Variants in PLPP2 observed in about 807,000 individuals in gnomAD.
The protein encoded by PLPP2 is PAP2-gamma.
In PLPP2, 29 loss-of-function variants were observed where a neutral mutation model predicts 35.2. That is an observed-to-expected ratio of 0.82 (90% CI 0.61 to 1.12). The LOEUF is 1.12. Among genes scored for constraint, PLPP2 ranks in the 50% most tolerant of loss-of-function variants. The pLI, the probability that PLPP2 is intolerant of heterozygous loss-of-function variation, is 0.00. For synonymous variants in PLPP2, 162 were observed against 167.0 expected (o/e 0.97, Z 0.23); for missense variants, 353 against 375.2 (o/e 0.94, Z 0.49).
intron 1 of PLPP2, among the ~76,000 whole-genome samples, chr19:290,378 C>G (rs1034153529): frequency 3.9e-5 from 6 of 152,194 alleles, no homozygotes; most frequent in African/African-American, 1.4e-4. Flanking sequence ...TAAATAACAC[C>G]ATAGGTGCTC....
intron 1 of PLPP2, chr19:288,418 C>T (rs991188848): frequency 5.3e-6 from 2 of 376,292 alleles, no homozygotes; most frequent in Non-Finnish European, 9.5e-6. Context: ...TCAGCAAACA[C>T]CCACCTTTGC....
intron 3 of PLPP2, 179 bp from the exon 4 acceptor site, chr19:282,988 T>A: frequency 1.6e-6 from 1 of 619,328 alleles, no homozygotes; most frequent in East Asian, 2.8e-5. Context: ...GGAATAAGAG[T>A]CTCTGACTGG....
At chr19:282,934 G>C (rs546905584) in intron 3 of PLPP2, 125 bp from the exon 4 acceptor site, 1 of 793,594 alleles carries the variant, frequency 1.3e-6, no homozygotes, top group Non-Finnish European at 2.1e-6. Context: ...TCAAATCCCA[G>C]TAGCAGAAAC....
chr19:289,980 A>G (rs146416122), intron 1 of PLPP2, among the ~76,000 whole-genome samples: 4 of 152,234 alleles, frequency 2.6e-5, no homozygotes, highest in African/African-American at 9.6e-5. Flanking sequence ...AACTCCAACT[A>G]GAGACGCAGG....
At chr19:288,738 T>C (rs12982096) in intron 1 of PLPP2, among the ~76,000 whole-genome samples, 112,400 of 152,024 alleles carry the variant, frequency 0.74, 43,467 homozygotes, top group Non-Finnish European at 0.85. Flanking sequence ...TATGCAAACC[T>C]CATGTGGAAT....
At chr19:285,420 A>G (rs1263152578) in intron 3 of PLPP2, 1 of 151,504 alleles carries the variant, frequency 6.6e-6, no homozygotes, top group Non-Finnish European at 1.5e-5. Flanking sequence ...GACAAGAGAG[A>G]GACTTCGTTT....
At chr19:286,514 T>C (rs906146618) in intron 3 of PLPP2, 1 of 151,698 alleles carries the variant, frequency 6.6e-6, no homozygotes, top group East Asian at 1.9e-4. Context: ...AAAGAAGATA[T>C]AACCTAAGCA....
rs1294789975 is a variant in PLPP2 at position 287,309 on chromosome 19, G to A, written c.482+165C>T. 3 of 846,186 alleles carry A rather than the reference G, an allele frequency of 3.5e-6. No individual in the cohort carries two copies. The highest frequency in any genetic ancestry group is 5.4e-6 in the Non-Finnish European group (3 of 553,224). 52.4% of individuals were successfully genotyped at this position (846,186 alleles called of 1,614,324 possible). A position where few individuals can be genotyped will look rare whatever the true frequency, so the allele number is the denominator to read the frequency against. On this transcript the variant is annotated intron_variant, in intron 3 of 5. Transcript: ENST00000434325. The surrounding 1 kb of genome is among the most constrained non-coding windows in gnomAD (Gnocchi z 4.3). ...ACTGACAGAATGTTACAACATGGATGAACTTCAAAAACATACAAGAATGCA... is the reference window on the plus strand; with the variant it reads ...ACTGACAGAATGTTACAACATGGATAAACTTCAAAAACATACAAGAATGCA...
At chr19:290,495 C>T (rs2145280084) in intron 1 of PLPP2, among the ~76,000 whole-genome samples, 1 of 152,320 alleles carries the variant, frequency 6.6e-6, no homozygotes, top group South Asian at 2.1e-4. Context: ...TTGGCCTCTG[C>T]TGTGAGATGG....
At chr19:285,150 T>C (rs1022576356) in intron 3 of PLPP2, 3 of 150,402 alleles carry the variant, frequency 2.0e-5, no homozygotes, top group African/African-American at 7.4e-5. Flanking sequence ...TTAAGATTAT[T>C]TGGCCTGGCA....
chr19:289,718 G>A lies in PLPP2; in HGVS notation c.53-1547C>T, dbSNP rs966928670. Among the ~76,000 whole-genome samples, 3 of 152,158 alleles carry A rather than the reference G, an allele frequency of 2.0e-5. No individual in the cohort carries two copies. In the East Asian group the frequency reaches 5.8e-4, roughly 29 times the overall value. ...CTCTGTCTCAAGAAAGAAAAAAAAAGGGCAGCGCCAGGGCCTGGAGGCAGG... is the reference window on the plus strand; with the variant it reads ...CTCTGTCTCAAGAAAGAAAAAAAAAAGGCAGCGCCAGGGCCTGGAGGCAGG... On this transcript the variant is annotated intron_variant, in intron 1 of 5. Coordinates refer to ENST00000434325, the MANE Select transcript of PLPP2 (RefSeq NM_003712.4).
rs1442369214 is a variant in PLPP2 at position 287,196 on chromosome 19, T to A, written c.482+278A>T. 7.8e-6 allele frequency: 3 copies of A among 383,016 alleles called. No homozygotes were observed. The highest frequency in any genetic ancestry group is 1.4e-5 in the Non-Finnish European group (3 of 212,034). 23.7% of individuals were successfully genotyped at this position (383,016 alleles called of 1,614,324 possible). A position where few individuals can be genotyped will look rare whatever the true frequency, so the allele number is the denominator to read the frequency against. ...AAAACTCATATATCTCATTCTATGA[T>A]GATGAAATGGTCAATCTTTCAAAAA... On this transcript the variant is annotated intron_variant, in intron 3 of 5. Transcript: ENST00000434325. This position sits in a 1 kb window ranked among gnomAD's most constrained non-coding sequence, Gnocchi z 4.3.
intron 1 of PLPP2, 21 bp from the exon 2 acceptor site, chr19:288,192 G>C: frequency 6.4e-7 from 1 of 1,556,370 alleles, no homozygotes. Context: ...AGAAAAGCCT[G>C]GGAGCTGTGA....
chr19:282,659 A>T, intron 4 of PLPP2, 93 bp downstream of exon 4: 1 of 1,343,582 alleles, frequency 7.4e-7, no homozygotes, highest in Admixed American at 1.9e-5. Context: ...ACCACTACCC[A>T]CCCATTTTAC....
chr19:290,906 G>T, intron 1 of PLPP2: 1 of 1,216,852 alleles, frequency 8.2e-7, no homozygotes, highest in Non-Finnish European at 1.0e-6. Flanking sequence ...ACGTCCTGCC[G>T]GGGTAACCCG....
rs1970309670 is a variant in PLPP2, at chr19:288,189, C to G, written c.53-18G>C. On this transcript the variant is annotated intron_variant, in intron 1 of 5. Coordinates refer to ENST00000434325, the MANE Select transcript of PLPP2 (RefSeq NM_003712.4). ...CAGGGAGGCTGGTGGGGAAGAAAAG[C>G]CTGGGAGCTGTGAGGTTCTCTCACC... is the stretch of plus-strand genomic sequence containing the variant. 1 of 1,557,214 alleles carries G rather than the reference C, an allele frequency of 6.4e-7. No individual in the cohort carries two copies. The highest frequency in any genetic ancestry group is 1.2e-5 in the South Asian group (1 of 82,070).
chr19:290,090 C>T (rs10420072), intron 1 of PLPP2, among the ~76,000 whole-genome samples: 40,643 of 152,044 alleles, frequency 0.27, 6,069 homozygotes, highest in East Asian at 0.59. Flanking sequence ...CCCGGGAGCC[C>T]TCCCGCCCTC....
Position 290,948 on chromosome 19 carries a change from T to A in PLPP2, c.52+337A>T, listed in dbSNP as rs1033998971. 1.2e-5 allele frequency: 15 copies of A among 1,232,264 alleles called. No homozygotes were observed. The Admixed American group carries it at 1.7e-4, about 14-fold the overall frequency. The allele number at this position is 1,232,264 out of a possible 1,614,324, so 76.3% of individuals were successfully genotyped here. A position where few individuals can be genotyped will look rare whatever the true frequency, so the allele number is the denominator to read the frequency against. ...CCCCCACCTCCCGGGCCCGCGTGAC[T>A]CACCTCCCAGGCCAGGCGGGGCGGG... On this transcript the variant is annotated intron_variant, in intron 1 of 5. Transcript: ENST00000434325.
Position 287,578 on chromosome 19 carries a change from G to A in PLPP2, c.378C>T (p.Asn126=). 1 of 1,613,860 alleles carries A rather than the reference G, an allele frequency of 6.2e-7. No individual in the cohort carries two copies. The highest frequency in any genetic ancestry group is 8.5e-7 in the Non-Finnish European group (1 of 1,180,040). Residue 126 remains asparagine (N), a synonymous_variant, in exon 3 of 6, where the codon AAC becomes AAT. Transcript: ENST00000434325. This position sits in a 1 kb window ranked among gnomAD's most constrained non-coding sequence, Gnocchi z 4.3. ...AGTCGGGGTCGCAGACGGCTAGGAAGTTGGGCCTCAGACGCCCAATCATGT... is the reference window on the plus strand; with the variant it reads ...AGTCGGGGTCGCAGACGGCTAGGAAATTGGGCCTCAGACGCCCAATCATGT... The part of the protein sequence containing the change: ...AKYMIGRLRP[N]FLAVCDPDWS...
Sources: allele counts gnomAD v4.1 joint callset (sites outside exome capture counted in the v4.1 genomes callset), GRCh38; gene constraint gnomAD v4.1.1; non-coding constraint Gnocchi (gnomAD v3.1); transcripts MANE v1.5; gene names NCBI Gene and HGNC (gene_info 2026-07-23, HGNC 2026-07-21).